The following NREP variants were observed in gnomAD, a reference collection of about 807,000 sequenced individuals.
The protein encoded by NREP is neuronal regeneration related protein.
A neutral mutation model predicts 8.6 loss-of-function variants in NREP; 5 were observed. The observed-to-expected ratio is 0.58, with a 90% confidence interval of 0.30 to 1.22. The LOEUF is 1.22. Among genes scored for constraint, NREP ranks in the 50% most tolerant of loss-of-function variants. NREP has a pLI of 0.07. For missense variants in NREP, 86 were observed against 82.5 expected, an observed-to-expected ratio of 1.04 and a Z score of -0.17; for synonymous variants, 27 against 28.0, an observed-to-expected ratio of 0.96 and a Z score of 0.11.
chr5:111,881,795 A>G (rs1271069059), intron 2 of NREP, among the ~76,000 whole-genome samples: 1 of 152,138 alleles, frequency 6.6e-6, no homozygotes, highest in African/African-American at 2.4e-5. Context: ...GAAAACTAAC[A>G]AACAGAAAGG....
intron 2 of NREP, among the ~76,000 whole-genome samples, chr5:111,932,610 C>T (rs1755572702): frequency 6.6e-6 from 1 of 151,948 alleles, no homozygotes; most frequent in African/African-American, 2.4e-5. Flanking sequence ...ACATTTTGCC[C>T]CCTCCTTTTA....
chr5:111,792,241 T>C (rs1052002328), intron 2 of NREP, among the ~76,000 whole-genome samples: 4 of 152,226 alleles, frequency 2.6e-5, no homozygotes, highest in African/African-American at 7.2e-5. Flanking sequence ...GAATGCATAT[T>C]AACCTACCAC....
At chr5:111,850,124 TGAC>T (rs1424615887) in intron 2 of NREP, among the ~76,000 whole-genome samples, 1 of 152,220 alleles carries the variant, frequency 6.6e-6, no homozygotes, top group Non-Finnish European at 1.5e-5. Flanking sequence ...CTCTTCTTCA[TGAC>T]AAGTTCCGTG....
At chr5:111,920,893 A>G (rs1344746823) in intron 2 of NREP, among the ~76,000 whole-genome samples, 1 of 152,142 alleles carries the variant, frequency 6.6e-6, no homozygotes, top group Non-Finnish European at 1.5e-5. Context: ...AACATGTCCA[A>G]GAAAGGAGAG....
At chr5:111,841,705 G>A (rs533605017) in intron 2 of NREP, among the ~76,000 whole-genome samples, 22 of 152,170 alleles carry the variant, frequency 1.4e-4, no homozygotes, top group Non-Finnish European at 3.1e-4. Flanking sequence ...ATATAAGTAC[G>A]GGCCTGTATT....
intron 1 of NREP, chr5:111,756,313 C>A (rs187649): frequency 0.47 from 92,650 of 198,892 alleles, 24,795 homozygotes; most frequent in African/African-American, 0.81. Flanking sequence ...AAAAAAAAAA[C>A]CCTACACGGC....
At chr5:111,890,516 A>G (rs1754368721) in intron 2 of NREP, among the ~76,000 whole-genome samples, 1 of 152,130 alleles carries the variant, frequency 6.6e-6, no homozygotes, top group African/African-American at 2.4e-5. Context: ...TCCCCTATGC[A>G]CTGCCCTAAT....
chr5:111,741,824 T>TACACACAGACACACACAC (rs138411321), intron 2 of NREP, among the ~76,000 whole-genome samples: 59 of 73,482 alleles, frequency 8.0e-4, no homozygotes, highest in East Asian at 3.4e-3. Context: ...AACACACACA[T>TACACACAGACACACACAC]ACACACACAC....
intron 2 of NREP, among the ~76,000 whole-genome samples, chr5:111,810,361 A>G (rs1212661793): frequency 1.3e-5 from 2 of 152,214 alleles, no homozygotes; most frequent in East Asian, 1.9e-4. Flanking sequence ...CAACTAGACA[A>G]TGAATAACCT....
At chr5:111,936,873 C>G (rs1248870677) in intron 2 of NREP, among the ~76,000 whole-genome samples, 1 of 152,100 alleles carries the variant, frequency 6.6e-6, no homozygotes, top group Non-Finnish European at 1.5e-5. Context: ...AGGTGTTTGT[C>G]TAACACAAGG....
At chr5:111,939,077 G>A (rs968427283) in intron 2 of NREP, among the ~76,000 whole-genome samples, 15 of 151,844 alleles carry the variant, frequency 9.9e-5, no homozygotes, top group Non-Finnish European at 2.1e-4. Context: ...TGTTAATCAT[G>A]CCTAGAAATT....
At chr5:111,871,115 T>C (rs951648155) in intron 2 of NREP, among the ~76,000 whole-genome samples, 2 of 149,718 alleles carry the variant, frequency 1.3e-5, no homozygotes, top group African/African-American at 4.9e-5. Flanking sequence ...AACAGGAATA[T>C]GTTGTGAGAA....
At chr5:111,803,099 G>C (rs1037257575) in intron 2 of NREP, among the ~76,000 whole-genome samples, 2 of 152,162 alleles carry the variant, frequency 1.3e-5, no homozygotes, top group African/African-American at 2.4e-5. Context: ...ATATAATGTT[G>C]GAGCAGGTCA....
intron 2 of NREP, among the ~76,000 whole-genome samples, chr5:111,735,822 G>A (rs1186020467): frequency 1.3e-5 from 2 of 152,306 alleles, no homozygotes; most frequent in East Asian, 3.9e-4. Context: ...CATCGGGGAG[G>A]TCTAACTTTC....
chr5:111,767,647 A>G (rs1428649914), intron 2 of NREP, among the ~76,000 whole-genome samples: 2 of 152,078 alleles, frequency 1.3e-5, no homozygotes, highest in African/African-American at 4.8e-5. Flanking sequence ...TTCCAAAAAA[A>G]TTATGGCTGC....
intron 2 of NREP, among the ~76,000 whole-genome samples, chr5:111,953,874 T>C (rs771673277): frequency 7.2e-5 from 11 of 152,036 alleles, no homozygotes; most frequent in Non-Finnish European, 1.3e-4. Flanking sequence ...TTTAGGGAAG[T>C]GTATTGAAAT....
chr5:111,738,077 AGCATATCCCT>A, intron 2 of NREP, among the ~76,000 whole-genome samples: 1 of 152,226 alleles, frequency 6.6e-6, no homozygotes, highest in South Asian at 2.1e-4. Context: ...CTAAGAACTC[AGCATATCCCT>A]AGACATAGTA....
chr5:111,751,339 C>A (rs1581077886), intron 2 of NREP, among the ~76,000 whole-genome samples: 1 of 152,124 alleles, frequency 6.6e-6, no homozygotes, highest in Non-Finnish European at 1.5e-5. Flanking sequence ...AAGTCCCAAA[C>A]CATTAGGGCT....
At chr5:111,766,198 T>A (rs967298441) in intron 2 of NREP, among the ~76,000 whole-genome samples, 1 of 152,198 alleles carries the variant, frequency 6.6e-6, no homozygotes, top group Admixed American at 6.5e-5. Context: ...TCATTTTTTT[T>A]AAACACTGTA....
Sources: allele counts gnomAD v4.1 joint callset (sites outside exome capture counted in the v4.1 genomes callset), GRCh38; gene constraint gnomAD v4.1.1; transcripts MANE v1.5; gene names NCBI Gene and HGNC (gene_info 2026-07-23, HGNC 2026-07-21).